The following MAPRE2 variants were observed in gnomAD, a reference collection of about 807,000 sequenced individuals.
The protein encoded by MAPRE2 is microtubule associated protein RP/EB family member 2, also known as microtubule-associated protein RP/EB family member 2.
A neutral mutation model predicts 43.2 loss-of-function variants in MAPRE2; 13 were observed. The ratio of observed to expected loss-of-function variants is 0.30; its 90% CI spans 0.20 to 0.48. The LOEUF is 0.48. MAPRE2 is among the 20% of genes least tolerant of loss of function. The pLI, the probability that MAPRE2 is intolerant of heterozygous loss-of-function variation, is 0.99. For synonymous variants in MAPRE2, 135 were observed against 148.8 expected (o/e 0.91, Z 0.68); for missense variants, 161 against 400.2 (o/e 0.40, Z 5.10).
At chr18:34,983,123 T>C (rs759731273) in intron 1 of MAPRE2, among the ~76,000 whole-genome samples, 1 of 152,198 alleles carries the variant, frequency 6.6e-6, no homozygotes, top group Non-Finnish European at 1.5e-5. Context: ...AAATAAAAAT[T>C]TGTTCACTTA....
At position 34,985,057 on chromosome 18, in the gene MAPRE2, T is replaced by A. The variant is rs1455024927; in HGVS notation, c.-70+7978T>A. Among the ~76,000 whole-genome samples the A allele has an allele frequency of 4.6e-3, 407 of 88,314 alleles. 3 individuals carry two copies. The highest frequency in any genetic ancestry group is 0.012 in the African/African-American group (240 of 20,616). 57.9% of individuals were successfully genotyped at this position (88,314 alleles called of 152,430 possible). On this transcript the variant is annotated intron_variant, in intron 1 of 7. Transcript: ENST00000413393. ...TATATAATATATAAAATATATTATA[T>A]AATATATAAAATAAAATATATTATA...
chr18:35,016,283 G>A (rs1350341067), intron 2 of MAPRE2, among the ~76,000 whole-genome samples: 1 of 151,746 alleles, frequency 6.6e-6, no homozygotes, highest in Non-Finnish European at 1.5e-5. Flanking sequence ...TGTCTTTTTG[G>A]TAGAATGATT....
intron 4 of MAPRE2, among the ~76,000 whole-genome samples, chr18:35,118,166 G>A (rs1025041160): frequency 6.6e-6 from 1 of 152,122 alleles, no homozygotes; most frequent in Non-Finnish European, 1.5e-5. Context: ...ACAAGTCAGC[G>A]AAGAGAGGTC....
At chr18:35,072,457 A>T (rs1555915660) in intron 2 of MAPRE2, among the ~76,000 whole-genome samples, 1 of 152,228 alleles carries the variant, frequency 6.6e-6, no homozygotes, top group Non-Finnish European at 1.5e-5. Flanking sequence ...GGGGATAAGG[A>T]AAAGGCTCAC....
At chr18:34,994,421 G>A (rs143561856) in intron 1 of MAPRE2, among the ~76,000 whole-genome samples, 2 of 150,806 alleles carry the variant, frequency 1.3e-5, no homozygotes, top group East Asian at 3.9e-4. Context: ...CTTTTCCTAG[G>A]CTGCCAACCT....
At chr18:35,012,950 G>T (rs1345958254) in intron 2 of MAPRE2, among the ~76,000 whole-genome samples, 1 of 152,076 alleles carries the variant, frequency 6.6e-6, no homozygotes, top group Non-Finnish European at 1.5e-5. Context: ...ATGAAGATTA[G>T]CCAGAAACAC....
At chr18:35,105,620 G>A (rs1417594372) in intron 4 of MAPRE2, among the ~76,000 whole-genome samples, 1 of 152,056 alleles carries the variant, frequency 6.6e-6, no homozygotes, top group Non-Finnish European at 1.5e-5. Flanking sequence ...TCATTCATGA[G>A]TTTCTGAGGT....
At chr18:35,048,004 G>T (rs970665627) in intron 1 of MAPRE2, among the ~76,000 whole-genome samples, 2 of 152,114 alleles carry the variant, frequency 1.3e-5, no homozygotes, top group Non-Finnish European at 2.9e-5. Flanking sequence ...TCTGATTTTA[G>T]CAATGACTTT....
At chr18:35,014,594 A>G (rs2097036968) in intron 2 of MAPRE2, among the ~76,000 whole-genome samples, 1 of 151,968 alleles carries the variant, frequency 6.6e-6, no homozygotes, top group South Asian at 2.1e-4. Flanking sequence ...AGAGTTGCAA[A>G]TTGTTTGGTT....
At chr18:35,092,634 C>G (rs1908206900) in intron 2 of MAPRE2, among the ~76,000 whole-genome samples, 1 of 152,112 alleles carries the variant, frequency 6.6e-6, no homozygotes, top group Non-Finnish European at 1.5e-5. Context: ...AACAAAAAAA[C>G]TCCTTCACAG....
intron 2 of MAPRE2, among the ~76,000 whole-genome samples, chr18:35,097,211 A>ATGC (rs1908466365): frequency 6.6e-6 from 1 of 152,296 alleles, no homozygotes; most frequent in South Asian, 2.1e-4. Context: ...CATGGAGTAC[A>ATGC]ATACACGGAG....
At chr18:35,029,039 A>G (rs777783902) in intron 2 of MAPRE2, among the ~76,000 whole-genome samples, 2 of 152,186 alleles carry the variant, frequency 1.3e-5, no homozygotes, top group Non-Finnish European at 2.9e-5. Context: ...ATGCAGTTGG[A>G]CCCTTCATTT....
At chr18:35,017,419 G>A (rs1226644047) in intron 2 of MAPRE2, among the ~76,000 whole-genome samples, 1 of 151,674 alleles carries the variant, frequency 6.6e-6, no homozygotes, top group African/African-American at 2.4e-5. Context: ...TAACAATATT[G>A]ATTCTTCCAA....
chr18:35,043,399 T>C (rs1905462197), intron 1 of MAPRE2, among the ~76,000 whole-genome samples: 1 of 152,222 alleles, frequency 6.6e-6, no homozygotes, highest in Non-Finnish European at 1.5e-5. Context: ...GGAAGTTGCC[T>C]GGTTGGGTTT....
At chr18:35,063,999 T>TAAAAAAAAAAAAAAA (rs1568989696) in intron 1 of MAPRE2, among the ~76,000 whole-genome samples, 7 of 60,734 alleles carry the variant, frequency 1.2e-4, no homozygotes, top group African/African-American at 2.5e-4. Flanking sequence ...CCCTGTCTCT[T>TAAAAAAAAAAAAAAA]TAAAAAAAAA....
intron 1 of MAPRE2, among the ~76,000 whole-genome samples, chr18:35,055,537 C>CTGTGTGTGTG (rs34194364): frequency 0.38 from 56,111 of 146,466 alleles, 11,315 homozygotes; most frequent in Non-Finnish European, 0.46. Context: ...ATTCAGTTCT[C>CTGTGTGTGTG]TGTGTGTGTG....
At chr18:35,073,281 ATCTT>A (rs1436425875) in intron 2 of MAPRE2, among the ~76,000 whole-genome samples, 7 of 152,172 alleles carry the variant, frequency 4.6e-5, no homozygotes, top group Non-Finnish European at 8.8e-5. Context: ...GGAAGAAGCT[ATCTT>A]TCTATTTATT....
intron 1 of MAPRE2, among the ~76,000 whole-genome samples, chr18:34,986,193 A>G (rs1416931293): frequency 2.0e-5 from 3 of 152,186 alleles, no homozygotes; most frequent in African/African-American, 7.2e-5. Flanking sequence ...TAAAAATGAA[A>G]TGAGAGGATT....
intron 1 of MAPRE2, among the ~76,000 whole-genome samples, chr18:34,998,151 C>T (rs559565103): frequency 6.6e-6 from 1 of 151,934 alleles, no homozygotes; most frequent in Admixed American, 6.5e-5. Flanking sequence ...AAAGTAGATT[C>T]CTTTGTAAGG....
Sources: allele counts gnomAD v4.1 joint callset (sites outside exome capture counted in the v4.1 genomes callset), GRCh38; gene constraint gnomAD v4.1.1; transcripts MANE v1.5; gene names NCBI Gene and HGNC (gene_info 2026-07-23, HGNC 2026-07-21).